The following LRRC9 variants were observed in gnomAD, a reference collection of about 807,000 sequenced individuals.
LRRC9 encodes the protein leucine-rich repeat-containing protein 9.
A neutral mutation model predicts 63.2 loss-of-function variants in LRRC9; 122 were observed. The ratio of observed to expected loss-of-function variants is 1.93; its 90% CI spans 1.67 to 2.24. The LOEUF (loss-of-function observed/expected upper bound fraction) is 2.24. Ranked by LOEUF, LRRC9 falls within the 30% of genes most tolerant of loss-of-function variation. The probability of loss-of-function intolerance (pLI) is 0.00; values close to 1 mark genes in which losing one functional copy is unlikely to be tolerated. For synonymous variants in LRRC9, 366 were observed against 213.1 expected (o/e 1.72, Z -6.25); for missense variants, 1,071 against 627.7 (o/e 1.71, Z -7.55).
intron 18 of LRRC9, 64 bp downstream of exon 18, chr14:59,997,911 CT>C: frequency 1.6e-6 from 1 of 606,600 alleles, no homozygotes; most frequent in East Asian, 2.8e-5. Flanking sequence ...TCCCTACTAA[CT>C]TTACTATTTA....
chr14:59,960,918 G>A (rs1301892028), exon 10 of LRRC9: 18 of 665,286 alleles, frequency 2.7e-5, no homozygotes, highest in Non-Finnish European at 4.1e-5. Context: ...CAATAGAATT[G>A]AAGCAATTTA....
In LRRC9 at chr14:59,928,387, A is replaced by G. The variant is rs765139852; in HGVS notation, c.168A>G (p.Leu56=). 7 of 698,048 alleles carry G rather than the reference A, an allele frequency of 1.0e-5. No individual in the cohort carries two copies. In the South Asian group the frequency reaches 1.1e-4, roughly 11 times the overall value. 43.2% of individuals were successfully genotyped at this position (698,048 alleles called of 1,614,324 possible). The change falls in exon 3 of 32, where the codon TTA becomes TTG. Residue 56 remains leucine, a synonymous_variant. Coordinates refer to ENST00000445360, the Ensembl canonical transcript of LRRC9. Reference sequence around the variant, plus strand: ...TTGGATTATCATTATTTCCTAATTTAACGAGTCTTACCATTGTTGCTCAAG... The same window carrying G: ...TTGGATTATCATTATTTCCTAATTTGACGAGTCTTACCATTGTTGCTCAAG...
At chr14:59,983,963 C>T (rs178133) in intron 16 of LRRC9, among the ~76,000 whole-genome samples, 112,277 of 152,120 alleles carry the variant, frequency 0.74, 43,858 homozygotes, top group Non-Finnish European at 0.87. Context: ...CCAGCTGCAC[C>T]GTTACATCAC....
At chr14:59,956,329 G>A (rs1053732629) in intron 8 of LRRC9, among the ~76,000 whole-genome samples, 50 of 152,046 alleles carry the variant, frequency 3.3e-4, no homozygotes, top group African/African-American at 1.1e-3. Context: ...CCTGTATTGG[G>A]TGCATATATA....
chr14:60,035,178 G>A (rs967050543), intron 29 of LRRC9, among the ~76,000 whole-genome samples: 2 of 151,484 alleles, frequency 1.3e-5, no homozygotes, highest in Non-Finnish European at 2.9e-5. Flanking sequence ...TCTTTTAACA[G>A]TTTTAAAATT....
At chr14:59,981,769 CT>C in intron 15 of LRRC9, 78 bp from the exon 16 acceptor site, 1 of 625,578 alleles carries the variant, frequency 1.6e-6, no homozygotes, top group Non-Finnish European at 2.8e-6. Context: ...GTCAACTCAT[CT>C]TTTCTACATA....
At chr14:60,049,886 G>C (rs1893746766) in intron 29 of LRRC9, among the ~76,000 whole-genome samples, 1 of 152,046 alleles carries the variant, frequency 6.6e-6, no homozygotes, top group Non-Finnish European at 1.5e-5. Context: ...TCTCTTTCAG[G>C]TACCCCAATC....
intron 17 of LRRC9, among the ~76,000 whole-genome samples, chr14:59,991,453 G>A (rs1399112673): frequency 6.6e-6 from 1 of 152,138 alleles, no homozygotes; most frequent in African/African-American, 2.4e-5. Flanking sequence ...TCACTGGGGA[G>A]TGTCGGAAAG....
chr14:60,059,209 T>G (rs1197501606), intron 31 of LRRC9: 1 of 152,182 alleles, frequency 6.6e-6, no homozygotes, highest in Non-Finnish European at 1.5e-5. Context: ...CAACCCTGCA[T>G]CAAGCAAGTC....
chr14:59,992,471 T>C (rs1217470939), intron 17 of LRRC9, among the ~76,000 whole-genome samples: 1 of 152,140 alleles, frequency 6.6e-6, no homozygotes, highest in East Asian at 1.9e-4. Context: ...AGAATGACTT[T>C]GATGAGTTGA....
intron 22 of LRRC9, 132 bp from the exon 23 acceptor site, chr14:60,007,960 A>ATT: frequency 1.3e-5 from 5 of 389,762 alleles, no homozygotes; most frequent in Non-Finnish European, 2.2e-5. Context: ...AAAAAAAAAA[A>ATT]AAGTATACTT....
chr14:59,960,716 GAGC>G (rs1344065597), intron 9 of LRRC9, among the ~76,000 whole-genome samples, 195 bp from the exon 10 acceptor site: 1 of 152,154 alleles, frequency 6.6e-6, no homozygotes, highest in East Asian at 1.9e-4. Context: ...CATATTCTGA[GAGC>G]AGCAAAATTA....
At chr14:59,946,647 C>A in intron 8 of LRRC9, among the ~76,000 whole-genome samples, 1 of 122,116 alleles carries the variant, frequency 8.2e-6, no homozygotes, top group Non-Finnish European at 1.7e-5. Context: ...CCAGTGCTAT[C>A]CCTCCCCCCT....
Position 60,053,139 on chromosome 14 carries a change from T to C in LRRC9, c.4065T>C (p.Pro1355=). The C allele has an allele frequency of 1.4e-6, 1 of 702,056 alleles. No individual in the cohort carries two copies. Among genetic ancestry groups the C allele is most frequent in the Non-Finnish European group, 2.6e-6 (1 of 384,436 alleles). 43.5% of individuals were successfully genotyped at this position (702,056 alleles called of 1,614,324 possible). Residue 1355 remains proline (P), a synonymous_variant, in exon 30 of 32, where the codon CCT becomes CCC. Transcript: ENST00000445360. This position sits in a 1 kb window ranked among gnomAD's most constrained non-coding sequence, Gnocchi z 4.8. ...ACTTACAGATGTTAGATGGAAGTCC[T>C]GTGAATTCAGATGATAGGGCAAAAG...
intron 29 of LRRC9, among the ~76,000 whole-genome samples, chr14:60,044,800 T>C (rs1893267599): frequency 6.6e-6 from 1 of 152,224 alleles, no homozygotes; most frequent in Admixed American, 6.5e-5. Flanking sequence ...CAGTTAGGCC[T>C]GTTAGATCTA....
intron 6 of LRRC9, among the ~76,000 whole-genome samples, chr14:59,933,466 A>T (rs1889879828): frequency 6.6e-6 from 1 of 152,214 alleles, no homozygotes; most frequent in African/African-American, 2.4e-5. Flanking sequence ...AAAAGGTGGC[A>T]TTTATAATTT....
intron 29 of LRRC9, among the ~76,000 whole-genome samples, chr14:60,037,595 C>T (rs560196727): frequency 2.0e-5 from 3 of 152,176 alleles, no homozygotes; most frequent in African/African-American, 7.2e-5. Context: ...TATCCTTTGC[C>T]CACTTTTTGA....
chr14:59,979,578 T>C (rs1432969111), intron 15 of LRRC9, among the ~76,000 whole-genome samples: 1 of 151,834 alleles, frequency 6.6e-6, no homozygotes, highest in Non-Finnish European at 1.5e-5. Flanking sequence ...CGCCACGGCA[T>C]TCCAGCCTGG....
rs538620590 is a variant in LRRC9 at position 59,967,757 on chromosome 14, C to T, written c.1506+544C>T. Among the ~76,000 whole-genome samples, 6 of 152,116 alleles carry T rather than the reference C, an allele frequency of 3.9e-5. No homozygotes were observed. In the East Asian group the frequency reaches 1.2e-3, roughly 29 times the overall value. On this transcript the variant is annotated intron_variant, in intron 12 of 31. Transcript: ENST00000445360. ...TGTAGCACACTGGTGTAGAGCAGCG[C>T]TTCCCAACCTTTTTCACATCATGAC...
Sources: gnomAD v4.1 joint callset for allele counts (sites outside exome capture counted in the v4.1 genomes callset) on GRCh38, gnomAD v4.1.1 for gene constraint, Gnocchi (gnomAD v3.1) non-coding constraint, MANE v1.5 for transcripts, NCBI Gene and HGNC (gene_info 2026-07-23, HGNC 2026-07-21) for gene names.